CNTN5: variants seen among roughly 807,000 people sequenced by gnomAD.
The protein encoded by CNTN5 is contactin-5.
Under a neutral mutation model 129.1 loss-of-function variants are expected in CNTN5, and 77 were observed. The ratio of observed to expected loss-of-function variants is 0.60; its 90% CI spans 0.50 to 0.72. The LOEUF (loss-of-function observed/expected upper bound fraction) is 0.72. Among genes scored for constraint, CNTN5 ranks in the 30% least tolerant of loss-of-function variants. The pLI is 0.00. For synonymous variants in CNTN5, 509 were observed against 465.6 expected, an observed-to-expected ratio of 1.09 and a Z score of -1.20; for missense variants, 1,478 against 1,328.8, an observed-to-expected ratio of 1.11 and a Z score of -1.75.
At chr11:99,188,547 A>G (rs546890660) in intron 1 of CNTN5, among the ~76,000 whole-genome samples, 121 of 151,954 alleles carry the variant, frequency 8.0e-4, no homozygotes, top group African/African-American at 2.9e-3. Context: ...TACAATCTGC[A>G]ATTATTCAAA....
intron 6 of CNTN5, among the ~76,000 whole-genome samples, chr11:99,906,928 T>G (rs1591397814): frequency 6.6e-6 from 1 of 152,156 alleles, no homozygotes; most frequent in African/African-American, 2.4e-5. Context: ...GTTTATAGTA[T>G]TCTCTGATGG....
intron 1 of CNTN5, among the ~76,000 whole-genome samples, chr11:99,208,901 GTTTAT>G (rs1383340442): frequency 6.6e-6 from 1 of 151,964 alleles, no homozygotes; most frequent in Non-Finnish European, 1.5e-5. Flanking sequence ...AGAAACAACT[GTTTAT>G]ATTATAGAAA....
intron 2 of CNTN5, among the ~76,000 whole-genome samples, chr11:99,347,738 G>A (rs549806616): frequency 5.3e-5 from 8 of 152,202 alleles, no homozygotes; most frequent in South Asian, 2.1e-4. Flanking sequence ...TATTAGCCCC[G>A]ATATTTTTCG....
At chr11:99,691,167 G>A (rs1035136517) in intron 3 of CNTN5, among the ~76,000 whole-genome samples, 2 of 150,636 alleles carry the variant, frequency 1.3e-5, no homozygotes, top group African/African-American at 4.9e-5. Flanking sequence ...AGTCTAGCTT[G>A]CAGTCTATCT....
At chr11:100,123,632 A>G (rs1044721344) in intron 13 of CNTN5, among the ~76,000 whole-genome samples, 2 of 152,046 alleles carry the variant, frequency 1.3e-5, no homozygotes, top group African/African-American at 4.8e-5. Context: ...CTAACCAAGA[A>G]TCAAAACAAA....
At chr11:100,268,114 G>A (rs991861348) in intron 17 of CNTN5, among the ~76,000 whole-genome samples, 5 of 152,134 alleles carry the variant, frequency 3.3e-5, no homozygotes, top group African/African-American at 1.2e-4. Flanking sequence ...TAAGTGACAT[G>A]GAGAAGCCTG....
intron 21 of CNTN5, chr11:100,309,144 G>A: frequency 4.1e-6 from 4 of 985,014 alleles, no homozygotes; most frequent in Non-Finnish European, 4.8e-6. Flanking sequence ...TCATGGAGAG[G>A]AATTAGGGGG....
intron 1 of CNTN5, among the ~76,000 whole-genome samples, chr11:99,125,154 T>G (rs1242009934): frequency 2.4e-4 from 37 of 152,006 alleles, no homozygotes; most frequent in Admixed American, 2.4e-3. Context: ...CTGGCAGAGA[T>G]GCAACATAAA....
intron 3 of CNTN5, among the ~76,000 whole-genome samples, chr11:99,780,072 C>A (rs927668434): frequency 1.6e-4 from 24 of 151,988 alleles, no homozygotes; most frequent in Admixed American, 9.2e-4. Flanking sequence ...TATATAGAGA[C>A]TGTCATGATC....
intron 13 of CNTN5, among the ~76,000 whole-genome samples, chr11:100,151,751 AT>A (rs891810488): frequency 6.6e-6 from 1 of 151,890 alleles, no homozygotes; most frequent in Non-Finnish European, 1.5e-5. Flanking sequence ...CTACATGAGT[AT>A]TTTTTTTCCA....
At chr11:99,497,480 G>A (rs1221398940) in intron 2 of CNTN5, among the ~76,000 whole-genome samples, 2 of 152,098 alleles carry the variant, frequency 1.3e-5, no homozygotes. Context: ...CTTAGTAGTG[G>A]CAAAACCCAG....
At chr11:100,306,251 G>T (rs1204901591) in intron 20 of CNTN5, among the ~76,000 whole-genome samples, 2 of 151,560 alleles carry the variant, frequency 1.3e-5, no homozygotes, top group South Asian at 2.1e-4. Flanking sequence ...TGAGAGGCAG[G>T]TTCCTGAACA....
chr11:99,776,655 C>T (rs1828981742), intron 3 of CNTN5, among the ~76,000 whole-genome samples: 2 of 151,698 alleles, frequency 1.3e-5, no homozygotes, highest in South Asian at 4.1e-4. Context: ...TTATTTTCAA[C>T]TTTCAATGGC....
intron 13 of CNTN5, among the ~76,000 whole-genome samples, chr11:100,104,129 CTG>C (rs1301807677): frequency 1.8e-4 from 25 of 139,694 alleles, no homozygotes; most frequent in Non-Finnish European, 2.7e-4. Context: ...GAGTCTTTCT[CTG>C]TCACCCAAGC....
At chr11:99,451,455 A>T (rs1944297904) in intron 2 of CNTN5, among the ~76,000 whole-genome samples, 1 of 152,212 alleles carries the variant, frequency 6.6e-6, no homozygotes, top group Non-Finnish European at 1.5e-5. Context: ...TCTATTTCAA[A>T]ATTCCTTTTA....
intron 1 of CNTN5, among the ~76,000 whole-genome samples, chr11:99,029,526 A>C (rs1863262929): frequency 6.6e-6 from 1 of 152,096 alleles, no homozygotes; most frequent in South Asian, 2.1e-4. Context: ...AGGAACAGAA[A>C]TGGTCATTGT....
intron 1 of CNTN5, among the ~76,000 whole-genome samples, chr11:99,223,925 T>C (rs1358072419): frequency 6.6e-6 from 1 of 152,206 alleles, no homozygotes; most frequent in Non-Finnish European, 1.5e-5. Context: ...CCATTCATTA[T>C]AGGACATTGT....
At chr11:99,851,000 A>G (rs1041891718) in intron 6 of CNTN5, among the ~76,000 whole-genome samples, 1 of 151,678 alleles carries the variant, frequency 6.6e-6, no homozygotes, top group Non-Finnish European at 1.5e-5. Context: ...GAAGCCATTC[A>G]CTTTATTCAC....
At chr11:99,956,733 C>G in intron 7 of CNTN5, 73 bp from the exon 8 acceptor site, 2 of 1,088,902 alleles carry the variant, frequency 1.8e-6, no homozygotes, top group Non-Finnish European at 2.8e-6. Flanking sequence ...TTTCTAAAGG[C>G]TTTGTTGTTT....
Sources: allele counts gnomAD v4.1 joint callset (sites outside exome capture counted in the v4.1 genomes callset), GRCh38; gene constraint gnomAD v4.1.1; transcripts MANE v1.5; gene names NCBI Gene and HGNC (gene_info 2026-07-23, HGNC 2026-07-21).